KIAA1217: variants seen among roughly 807,000 people sequenced by gnomAD.
KIAA1217 encodes KIAA1217.
In KIAA1217, 88 loss-of-function variants were observed where a neutral mutation model predicts 163.9. The ratio of observed to expected loss-of-function variants is 0.54; its 90% CI spans 0.45 to 0.64. The LOEUF (loss-of-function observed/expected upper bound fraction) is 0.64. Ranked by LOEUF, KIAA1217 falls within the 30% of genes least tolerant of loss-of-function variation. The probability of loss-of-function intolerance (pLI) is 0.00; values close to 1 mark genes in which losing one functional copy is unlikely to be tolerated. For synonymous variants in KIAA1217, 903 were observed against 923.1 expected, an observed-to-expected ratio of 0.98 and a Z score of 0.39; for missense variants, 2,372 against 2,475.0, an observed-to-expected ratio of 0.96 and a Z score of 0.88.
intron 9 of KIAA1217, among the ~76,000 whole-genome samples, chr10:24,512,755 G>A (rs775300628): frequency 6.6e-6 from 1 of 152,170 alleles, no homozygotes; most frequent in Non-Finnish European, 1.5e-5. Flanking sequence ...AAATCACCAC[G>A]TGTTGAGTTC....
intron 2 of KIAA1217, among the ~76,000 whole-genome samples, chr10:24,128,640 C>T (rs1437815486): frequency 6.6e-6 from 1 of 152,138 alleles, no homozygotes; most frequent in Non-Finnish European, 1.5e-5. Context: ...TGGCACATTC[C>T]TCTGGTTCTC....
In KIAA1217 at chr10:23,809,207, A is replaced by T. The variant is rs1449838650; in HGVS notation, c.-321+113973A>T. Among the ~76,000 whole-genome samples, 3 of 152,094 alleles carry T rather than the reference A, an allele frequency of 2.0e-5. No homozygotes were observed. In the South Asian group the frequency reaches 6.2e-4, roughly 31 times the overall value. On this transcript the variant is annotated intron_variant, in intron 1 of 18. Coordinates refer to the KIAA1217 transcript ENST00000376462. ...TGAATAAATAACATCATAAAAGCAA[A>T]TGCAAGTAAAAGTAATATTGGAAAC...
chr10:24,321,961 T>TTTTAG lies in KIAA1217; in HGVS notation c.355-58905_355-58904insAGTTT, dbSNP rs1234550212. ...TGACATTTTATTTTATTTTATTTTA[T>TTTTAG]TTTTTGAGACAGGGTCTCGCTCTGT... is the stretch of plus-strand genomic sequence containing the variant. On this transcript the variant is annotated intron_variant, in intron 2 of 20. Transcript: ENST00000376454. Among the ~76,000 whole-genome samples the TTTTAG allele has an allele frequency of 3.3e-5, 5 of 151,834 alleles. No individual in the cohort carries two copies. In the South Asian group the frequency reaches 1.0e-3, roughly 32 times the overall value.
At chr10:24,411,628 A>C (rs1177521087) in intron 3 of KIAA1217, among the ~76,000 whole-genome samples, 1 of 152,192 alleles carries the variant, frequency 6.6e-6, no homozygotes, top group African/African-American at 2.4e-5. Flanking sequence ...GTGTGTGTAC[A>C]TATACACACA....
chr10:23,993,552 G>GTTTTTTTTTTTTTTTTT (rs1564594837), intron 1 of KIAA1217, among the ~76,000 whole-genome samples: 6 of 39,432 alleles, frequency 1.5e-4, no homozygotes, highest in African/African-American at 6.4e-4. Context: ...CCATAGCCCA[G>GTTTTTTTTTTTTTTTTT]CTTTTTTTTT....
At chr10:23,719,982 A>T (rs73604416) in intron 1 of KIAA1217, among the ~76,000 whole-genome samples, 3,083 of 152,216 alleles carry the variant, frequency 0.02, 121 homozygotes, top group African/African-American at 0.07. Flanking sequence ...TTAATACTAG[A>T]GACCAAATGA....
intron 3 of KIAA1217, among the ~76,000 whole-genome samples, chr10:24,424,561 G>A (rs539673122): frequency 3.7e-4 from 56 of 152,266 alleles, no homozygotes; most frequent in African/African-American, 1.3e-3. Context: ...CTCTAAGTAC[G>A]TTATATTCTT....
At chr10:23,723,814 A>C (rs1413693614) in intron 1 of KIAA1217, among the ~76,000 whole-genome samples, 1 of 152,186 alleles carries the variant, frequency 6.6e-6, no homozygotes, top group African/African-American at 2.4e-5. Context: ...GACAATAAAT[A>C]CATGTGTATT....
rs113586512 is a variant in KIAA1217 at position 23,831,220 on chromosome 10, C to T, written c.-321+135986C>T. Among the ~76,000 whole-genome samples the T allele has an allele frequency of 5.2e-3, 791 of 151,286 alleles. 11 individuals are homozygous for T. Among genetic ancestry groups the T allele is most frequent in the African/African-American group, 0.017 (714 of 41,202 alleles). On this transcript the variant is annotated intron_variant, in intron 1 of 18. Coordinates refer to the KIAA1217 transcript ENST00000376462. ...AGACAATGATTTTGTGGATATGAACCCCAAAGTGTAGGCAACACAAAAAAA... is the reference window on the plus strand; with the variant it reads ...AGACAATGATTTTGTGGATATGAACTCCAAAGTGTAGGCAACACAAAAAAA...
chr10:24,286,797 C>T (rs888376671), intron 2 of KIAA1217, among the ~76,000 whole-genome samples: 1 of 152,088 alleles, frequency 6.6e-6, no homozygotes, highest in Non-Finnish European at 1.5e-5. Flanking sequence ...AGTTTCTCAC[C>T]AAAGCATTCT....
chr10:24,504,457 G>A (rs1368760549), intron 9 of KIAA1217, among the ~76,000 whole-genome samples: 1 of 152,112 alleles, frequency 6.6e-6, no homozygotes, highest in Non-Finnish European at 1.5e-5. Context: ...TTTCAATCGA[G>A]GGAGTCTACT....
upstream of KIAA1217, among the ~76,000 whole-genome samples, chr10:24,206,208 T>C (rs1270092145): frequency 6.6e-6 from 1 of 152,206 alleles, no homozygotes; most frequent in Non-Finnish European, 1.5e-5. Flanking sequence ...GAAAATCAGA[T>C]TTCAAGTTCT....
At chr10:24,512,104 G>T (rs958629938) in intron 9 of KIAA1217, among the ~76,000 whole-genome samples, 1 of 152,142 alleles carries the variant, frequency 6.6e-6, no homozygotes, top group Non-Finnish European at 1.5e-5. Context: ...CCTAATGGTG[G>T]TTCTGCTTGT....
chr10:24,438,861 C>A (rs536414008), intron 5 of KIAA1217, among the ~76,000 whole-genome samples: 1 of 152,286 alleles, frequency 6.6e-6, no homozygotes, highest in South Asian at 2.1e-4. Flanking sequence ...GCAAGGTGCA[C>A]AATTGCATGG....
At chr10:23,709,159 C>T (rs1837072177) in intron 1 of KIAA1217, among the ~76,000 whole-genome samples, 1 of 152,118 alleles carries the variant, frequency 6.6e-6, no homozygotes, top group South Asian at 2.1e-4. Context: ...CAGCCTGCGG[C>T]CACTTGACAC....
At chr10:24,514,223 G>A (rs1172907572) in intron 10 of KIAA1217, among the ~76,000 whole-genome samples, 1 of 152,196 alleles carries the variant, frequency 6.6e-6, no homozygotes, top group Non-Finnish European at 1.5e-5. Context: ...ATAATGAATA[G>A]TAATTTTGAG....
chr10:23,733,076 C>T (rs1331474479), intron 1 of KIAA1217, among the ~76,000 whole-genome samples: 4 of 151,578 alleles, frequency 2.6e-5, no homozygotes, highest in Non-Finnish European at 4.4e-5. Flanking sequence ...TGCAGTGGCG[C>T]GATCTCAGTT....
chr10:24,192,162 T>C (rs1452430693), intron 2 of KIAA1217, among the ~76,000 whole-genome samples: 1 of 152,236 alleles, frequency 6.6e-6, no homozygotes, highest in African/African-American at 2.4e-5. Flanking sequence ...TGCATACGTC[T>C]GGTGAAGAGC....
chr10:24,393,478 C>A (rs1054203630), intron 3 of KIAA1217, among the ~76,000 whole-genome samples: 4 of 152,004 alleles, frequency 2.6e-5, no homozygotes, highest in Non-Finnish European at 4.4e-5. Flanking sequence ...AGCCCCCAGG[C>A]ACCACCATGA....
Sources: allele counts gnomAD v4.1 joint callset (sites outside exome capture counted in the v4.1 genomes callset), GRCh38; gene constraint gnomAD v4.1.1; transcripts MANE v1.5; gene names NCBI Gene and HGNC (gene_info 2026-07-23, HGNC 2026-07-21).